The following ASTN1 variants were observed in gnomAD, a reference collection of about 807,000 sequenced individuals.
ASTN1 encodes the protein astrotactin 1.
In ASTN1, 41 loss-of-function variants were observed where a neutral mutation model predicts 140.7. That is an observed-to-expected ratio of 0.29 (90% CI 0.23 to 0.38). The LOEUF (loss-of-function observed/expected upper bound fraction) is 0.38, where lower values mean the gene tolerates loss of function less well. ASTN1 is among the 10% of genes least tolerant of loss of function. The probability of loss-of-function intolerance (pLI) is 1.00; values close to 1 mark genes in which losing one functional copy is unlikely to be tolerated. For synonymous variants in ASTN1, 640 were observed against 652.2 expected, an observed-to-expected ratio of 0.98 and a Z score of 0.29; for missense variants, 1,479 against 1,678.8, an observed-to-expected ratio of 0.88 and a Z score of 2.08.
At chr1:176,974,285 C>T (rs945447478) in intron 8 of ASTN1, among the ~76,000 whole-genome samples, 7 of 151,918 alleles carry the variant, frequency 4.6e-5, no homozygotes, top group African/African-American at 1.4e-4. Flanking sequence ...TTAATATGTG[C>T]AAATAACTTT....
intron 1 of ASTN1, among the ~76,000 whole-genome samples, chr1:177,063,237 A>T (rs1454539905): frequency 1.3e-5 from 2 of 152,190 alleles, no homozygotes; most frequent in Non-Finnish European, 2.9e-5. Context: ...CTACCATCCC[A>T]CAGATGAGGG....
At chr1:176,902,294 C>T (rs1003542279) in intron 16 of ASTN1, among the ~76,000 whole-genome samples, 3 of 152,180 alleles carry the variant, frequency 2.0e-5, no homozygotes, top group Non-Finnish European at 2.9e-5. Flanking sequence ...GCGTTGCCTA[C>T]CAAACAGCAT....
rs867276919 is a variant in ASTN1 at position 176,985,844 on chromosome 1, C to A, written c.1524-20607G>T. Reference sequence around the variant, plus strand: ...TTATTGGTTCTCTCTCTCTCTCTCTCTACACACACACACACACACACACAC... The same window carrying A: ...TTATTGGTTCTCTCTCTCTCTCTCTATACACACACACACACACACACACAC... On this transcript the variant is annotated intron_variant, in intron 8 of 22. Coordinates refer to ENST00000361833, the MANE Select transcript of ASTN1 (RefSeq NM_004319.3). Among the ~76,000 whole-genome samples the A allele has an allele frequency of 3.6e-4, 45 of 125,562 alleles. 1 individual carries two copies. The highest frequency in any genetic ancestry group is 1.0e-3 in the South Asian group (4 of 3,850). 82.4% of individuals were successfully genotyped at this position (125,562 alleles called of 152,430 possible).
At chr1:177,114,952 G>T (rs543198284) in intron 1 of ASTN1, among the ~76,000 whole-genome samples, 8 of 152,230 alleles carry the variant, frequency 5.3e-5, no homozygotes, top group African/African-American at 1.9e-4. Context: ...ACCATTAGGA[G>T]AAGCACTGTT....
intron 1 of ASTN1, among the ~76,000 whole-genome samples, chr1:177,132,375 G>A (rs546135244): frequency 8.5e-5 from 13 of 152,290 alleles, no homozygotes; most frequent in Non-Finnish European, 1.3e-4. Flanking sequence ...ACCAAATGAA[G>A]TCATCATAGA....
chr1:176,983,697 A>G (rs1673741153), intron 8 of ASTN1, among the ~76,000 whole-genome samples: 1 of 152,008 alleles, frequency 6.6e-6, no homozygotes, highest in Non-Finnish European at 1.5e-5. Context: ...TGCGTGGGCC[A>G]TTTTTTTGCT....
intron 8 of ASTN1, among the ~76,000 whole-genome samples, chr1:176,980,385 C>A (rs1278655889): frequency 6.6e-6 from 1 of 152,008 alleles, no homozygotes; most frequent in African/African-American, 2.4e-5. Context: ...TGGCACATGA[C>A]AAGAAATGAG....
Position 177,023,476 on chromosome 1 carries a change from C to T in ASTN1, c.1366G>A (p.Gly456Arg), listed in dbSNP as rs772304594. ...VVLFSQQNSS[G>R]PWAMDLCARR... is the part of the protein sequence containing the mutation. Reference sequence around the variant, plus strand: ...GCACAGAGGTCCATGGCCCAGGGTCCGCTGGAGTTCTGCTGAGAGAAGAGA... The same window carrying T: ...GCACAGAGGTCCATGGCCCAGGGTCTGCTGGAGTTCTGCTGAGAGAAGAGA... The change falls in exon 7 of 23, where the codon GGA becomes AGA. Residue 456 changes from glycine to arginine, a missense_variant. Gly to Arg is a moderately radical substitution (Grantham distance 125). Transcript: ENST00000361833. 5.0e-6 allele frequency: 8 copies of T among 1,611,996 alleles called. No homozygotes were observed. The highest frequency in any genetic ancestry group is 5.1e-6 in the Non-Finnish European group (6 of 1,179,232).
chr1:177,161,511 G>C (rs921856323), intron 1 of ASTN1, among the ~76,000 whole-genome samples: 9 of 152,194 alleles, frequency 5.9e-5, no homozygotes, highest in African/African-American at 2.2e-4. Context: ...GATGACTTGT[G>C]CATGGTTTAG....
chr1:176,939,506 G>A (rs7525301), intron 14 of ASTN1, among the ~76,000 whole-genome samples: 8,544 of 152,146 alleles, frequency 0.056, 737 homozygotes, highest in African/African-American at 0.19. Context: ...TTCCATGCCT[G>A]CGTACAGATA....
intron 1 of ASTN1, among the ~76,000 whole-genome samples, chr1:177,164,131 G>C (rs1312062144): frequency 6.6e-6 from 1 of 152,150 alleles, no homozygotes; most frequent in East Asian, 1.9e-4. Context: ...AGAGGTTTCA[G>C]AGAGACTCAT....
At chr1:177,136,701 T>C (rs1249595367) in intron 1 of ASTN1, among the ~76,000 whole-genome samples, 3 of 152,182 alleles carry the variant, frequency 2.0e-5, no homozygotes, top group African/African-American at 7.2e-5. Context: ...TGTGCTCTTA[T>C]AAGATGGCAC....
In ASTN1 at chr1:176,872,952, T is replaced by G. The variant is rs181562109; in HGVS notation, c.3463+3585A>C. Among the ~76,000 whole-genome samples the G allele has an allele frequency of 2.6e-5, 4 of 152,324 alleles. No homozygotes were observed. The East Asian group carries it at 7.7e-4, about 29-fold the overall frequency. On this transcript the variant is annotated intron_variant, in intron 21 of 22. Transcript: ENST00000361833. The stretch of plus-strand genomic sequence containing the variant: ...ATTATACACATTACTGTTTTGCTGT[T>G]GTTGGTCATCCTTACTAAGATATAA...
intron 17 of ASTN1, among the ~76,000 whole-genome samples, chr1:176,891,265 C>T (rs2103035071): frequency 6.6e-6 from 1 of 152,258 alleles, no homozygotes; most frequent in Middle Eastern, 3.4e-3. Flanking sequence ...ATAAAATTTT[C>T]CAATTTTTGT....
chr1:176,870,841 A>T (rs574592124), intron 21 of ASTN1, among the ~76,000 whole-genome samples: 4 of 152,348 alleles, frequency 2.6e-5, no homozygotes, highest in Non-Finnish European at 5.9e-5. Flanking sequence ...CCAGTTGTTT[A>T]TCAAAGGCCT....
At chr1:176,867,400 T>C (rs1324887852) in intron 22 of ASTN1, among the ~76,000 whole-genome samples, 1 of 151,842 alleles carries the variant, frequency 6.6e-6, no homozygotes, top group Non-Finnish European at 1.5e-5. Flanking sequence ...AGTTAGAGAA[T>C]GGAGTTGATA....
At position 176,862,464 on chromosome 1, in the gene ASTN1, T is replaced by C. The variant is rs986308215; in HGVS notation, c.*1820A>G. The C allele has an allele frequency of 3.0e-6, 3 of 985,288 alleles. No individual in the cohort carries two copies. The allele number at this position is 985,288 out of a possible 1,614,324, so 61.0% of individuals were successfully genotyped here. A position where few individuals can be genotyped will look rare whatever the true frequency, so the allele number is the denominator to read the frequency against. On this transcript the variant is annotated 3_prime_UTR_variant, in exon 23 of 23. Coordinates refer to ENST00000361833, the MANE Select transcript of ASTN1 (RefSeq NM_004319.3). ...CTCCTTCCACTGCACAGAGGACATG[T>C]CCATGCCACAGATGCTTGGGAAAGG...
intron 21 of ASTN1, among the ~76,000 whole-genome samples, chr1:176,874,900 T>C (rs2206319): frequency 0.84 from 126,993 of 151,894 alleles, 53,245 homozygotes; most frequent in Middle Eastern, 0.95. Flanking sequence ...ATTTGGGATG[T>C]TGATTCCAGG....
chr1:176,982,055 T>A (rs996895655), intron 8 of ASTN1, among the ~76,000 whole-genome samples: 2 of 152,188 alleles, frequency 1.3e-5, no homozygotes, highest in African/African-American at 4.8e-5. Context: ...GTCTTAAGCA[T>A]GCAGAATTCA....
Sources: allele counts gnomAD v4.1 joint callset (sites outside exome capture counted in the v4.1 genomes callset), GRCh38; gene constraint gnomAD v4.1.1; transcripts MANE v1.5; gene names NCBI Gene and HGNC (gene_info 2026-07-23, HGNC 2026-07-21).